The following SESTD1 variants were observed in gnomAD, a reference collection of about 807,000 sequenced individuals.
SESTD1 encodes the protein SEC14 and spectrin domain containing 1, also known as SEC14 domain and spectrin repeat-containing protein 1.
SESTD1 carries 43 observed loss-of-function variants against 101.7 expected under a neutral mutation model. The observed-to-expected ratio is 0.42, with a 90% CI of 0.33 to 0.55. The LOEUF is 0.55. Ranked by LOEUF, SESTD1 falls within the 20% of genes least tolerant of loss-of-function variation. The pLI, the probability that SESTD1 is intolerant of heterozygous loss-of-function variation, is 0.07. For synonymous variants in SESTD1, 283 were observed against 286.8 expected (o/e 0.99, Z 0.13); for missense variants, 647 against 815.1 (o/e 0.79, Z 2.51).
In SESTD1 at chr2:179,215,126, A is replaced by T. The variant is rs1449573292; in HGVS notation, c.-25-23260T>A. 3.0e-5 allele frequency among the ~76,000 whole-genome samples: 4 copies of T among 135,144 alleles called. No homozygotes were observed. The East Asian group carries it at 7.9e-4, about 27-fold the overall frequency. 88.7% of individuals were successfully genotyped at this position (135,144 alleles called of 152,430 possible). A position where few individuals can be genotyped will look rare whatever the true frequency, so the allele number is the denominator to read the frequency against. On this transcript the variant is annotated intron_variant, in intron 1 of 17. Transcript: ENST00000428443. ...ATTCAAAAGCTAGCAGAAGGCAAGA[A>T]ATAAGTAAGATCAGAGCAGAACTGA...
At chr2:179,180,314 G>A (rs1167353855) in intron 3 of SESTD1, among the ~76,000 whole-genome samples, 1 of 151,976 alleles carries the variant, frequency 6.6e-6, no homozygotes, top group African/African-American at 2.4e-5. Flanking sequence ...TATTCAAAAC[G>A]TTAAGATAGT....
At chr2:179,189,242 T>G (rs542530355) in intron 2 of SESTD1, among the ~76,000 whole-genome samples, 32 of 152,272 alleles carry the variant, frequency 2.1e-4, no homozygotes, top group African/African-American at 6.3e-4. Context: ...CAATTAGGCT[T>G]TATTCCTGGG....
At chr2:179,249,787 C>T (rs2047289222) in intron 1 of SESTD1, among the ~76,000 whole-genome samples, 1 of 151,372 alleles carries the variant, frequency 6.6e-6, no homozygotes, top group Middle Eastern at 3.2e-3. Context: ...AATAGAAACA[C>T]ACAAATATGC....
At chr2:179,117,136 AATG>A (rs1279499178) in intron 14 of SESTD1, among the ~76,000 whole-genome samples, 4 of 152,330 alleles carry the variant, frequency 2.6e-5, no homozygotes, top group African/African-American at 9.6e-5. Context: ...ATCTAACTGA[AATG>A]ATGTTCTCTG....
intron 1 of SESTD1, among the ~76,000 whole-genome samples, chr2:179,199,149 A>G (rs2046457393): frequency 6.6e-6 from 1 of 152,068 alleles, no homozygotes. Flanking sequence ...CAGAAATACA[A>G]ACTACCATCA....
chr2:179,221,023 C>A (rs13418701), intron 1 of SESTD1, among the ~76,000 whole-genome samples: 69,042 of 151,948 alleles, frequency 0.45, 18,749 homozygotes, highest in African/African-American at 0.77. Flanking sequence ...TATATGTTCA[C>A]TACCACAAAT....
chr2:179,125,752 T>A (rs1180986621), intron 10 of SESTD1, among the ~76,000 whole-genome samples: 3 of 152,248 alleles, frequency 2.0e-5, no homozygotes, highest in Non-Finnish European at 4.4e-5. Context: ...TATGTTTTTT[T>A]CACTATCAGT....
intron 5 of SESTD1, among the ~76,000 whole-genome samples, chr2:179,165,895 C>T (rs2045825405): frequency 6.6e-6 from 1 of 152,116 alleles, no homozygotes; most frequent in Admixed American, 6.5e-5. Context: ...GGCTCCAACT[C>T]TTACATAACA....
At chr2:179,128,513 G>A (rs543387442) in intron 10 of SESTD1, among the ~76,000 whole-genome samples, 3 of 152,122 alleles carry the variant, frequency 2.0e-5, no homozygotes, top group South Asian at 2.1e-4. Flanking sequence ...GGCAGATCAC[G>A]AGGTCAGGAG....
intron 1 of SESTD1, among the ~76,000 whole-genome samples, chr2:179,198,129 T>G (rs531717889): frequency 1.7e-3 from 263 of 151,854 alleles, no homozygotes; most frequent in African/African-American, 6.2e-3. Context: ...ACCAAGCAAA[T>G]GGAAAACAAA....
At chr2:179,189,684 C>G (rs1276465016) in intron 2 of SESTD1, among the ~76,000 whole-genome samples, 1 of 152,082 alleles carries the variant, frequency 6.6e-6, no homozygotes, top group Admixed American at 6.6e-5. Context: ...AAAGCCTCCA[C>G]CAAAAGGCTT....
intron 1 of SESTD1, among the ~76,000 whole-genome samples, chr2:179,248,945 G>T (rs923755447): frequency 6.6e-6 from 1 of 151,050 alleles, no homozygotes; most frequent in African/African-American, 2.4e-5. Flanking sequence ...AAAAAAATTA[G>T]CTGGGTGTGG....
intron 1 of SESTD1, among the ~76,000 whole-genome samples, chr2:179,199,622 T>A (rs965136238): frequency 1.8e-4 from 28 of 152,222 alleles, no homozygotes; most frequent in African/African-American, 6.7e-4. Flanking sequence ...CAAGTGGGCT[T>A]CATCCCTGGG....
intron 5 of SESTD1, among the ~76,000 whole-genome samples, chr2:179,155,615 C>T (rs1396487037): frequency 7.0e-6 from 1 of 142,576 alleles, no homozygotes; most frequent in Non-Finnish European, 1.5e-5. Flanking sequence ...GATTCTGTCT[C>T]AAAAAAAAAA....
At chr2:179,117,507 C>G in intron 14 of SESTD1, 25 bp downstream of exon 14, 1 of 1,541,268 alleles carries the variant, frequency 6.5e-7, no homozygotes. Context: ...AAGTTAACTA[C>G]ATAATGTAGC....
chr2:179,191,941 T>C lies in SESTD1; in HGVS notation c.-25-75A>G, dbSNP rs927483517. 3.0e-5 allele frequency: 31 copies of C among 1,018,070 alleles called. No individual in the cohort carries two copies. The Admixed American group carries it at 6.7e-4, about 22-fold the overall frequency. 63.1% of individuals were successfully genotyped at this position (1,018,070 alleles called of 1,614,324 possible). A position where few individuals can be genotyped will look rare whatever the true frequency, so the allele number is the denominator to read the frequency against. ...CGAAATATATCCTAATGATGGTTTA[T>C]CCCAGAGTTTCTAAACCTGAGAACT... is the stretch of plus-strand genomic sequence containing the variant. On this transcript the variant is annotated intron_variant, in intron 1 of 17. Transcript: ENST00000428443.
intron 13 of SESTD1, 54 bp from the exon 14 acceptor site, chr2:179,117,667 T>C (rs1457197968): frequency 7.3e-7 from 1 of 1,371,930 alleles, no homozygotes; most frequent in Non-Finnish European, 9.9e-7. Context: ...TTGATTACTA[T>C]TGTAACATCA....
Position 179,121,931 on chromosome 2 carries a change from T to TAAAA in SESTD1, c.1283-6_1283-3dup. ...CACGCAAACCTTGCAATCCCACATC[T>TAAAA]AAAACAAAAGTTACTAGATTTAATC... On this transcript the variant is annotated splice_region_variant and splice_polypyrimidine_tract_variant and intron_variant, in intron 12 of 17. Transcript: ENST00000428443. 3 of 1,594,794 alleles carry TAAAA rather than the reference T, an allele frequency of 1.9e-6. No individual in the cohort carries two copies. Among genetic ancestry groups the TAAAA allele is most frequent in the Non-Finnish European group, 2.6e-6 (3 of 1,174,104 alleles).
intron 3 of SESTD1, among the ~76,000 whole-genome samples, chr2:179,180,764 G>T (rs960527330): frequency 1.3e-5 from 2 of 152,044 alleles, no homozygotes; most frequent in Admixed American, 6.6e-5. Context: ...GAAAAACATT[G>T]GTTTTAAGAT....
Sources: allele counts gnomAD v4.1 joint callset (sites outside exome capture counted in the v4.1 genomes callset), GRCh38; gene constraint gnomAD v4.1.1; transcripts MANE v1.5; gene names NCBI Gene and HGNC (gene_info 2026-07-23, HGNC 2026-07-21).